Variants in CDH12 observed in about 807,000 individuals in gnomAD.
The protein encoded by CDH12 is cadherin 12.
Under a neutral mutation model 74.1 loss-of-function variants are expected in CDH12, and 41 were observed. That is an observed-to-expected ratio of 0.55 (90% confidence interval 0.43 to 0.72). CDH12 has a LOEUF of 0.72. Ranked by LOEUF, CDH12 falls within the 30% of genes least tolerant of loss-of-function variation. The probability of loss-of-function intolerance (pLI) is 0.00; values close to 1 mark genes in which losing one functional copy is unlikely to be tolerated. For missense variants in CDH12, 945 were observed against 977.2 expected, an observed-to-expected ratio of 0.97 and a Z score of 0.44; for synonymous variants, 399 against 355.0, an observed-to-expected ratio of 1.12 and a Z score of -1.39.
At chr5:21,800,485 C>T (rs1747049616) in intron 10 of CDH12, among the ~76,000 whole-genome samples, 1 of 151,996 alleles carries the variant, frequency 6.6e-6, no homozygotes, top group Non-Finnish European at 1.5e-5. Flanking sequence ...TTATTTTTAC[C>T]ATTACAAAAG....
chr5:21,755,875 A>G, intron 13 of CDH12, 33 bp from the exon 14 acceptor site: 1 of 1,606,914 alleles, frequency 6.2e-7, no homozygotes, highest in Non-Finnish European at 8.5e-7. Context: ...TAACATGGTT[A>G]CTATAAGCTT....
rs1744912108 is a variant in CDH12, at chr5:22,739,468, A to C, written c.-523+113590T>G. 3.9e-5 allele frequency among the ~76,000 whole-genome samples: 6 copies of C among 152,160 alleles called. No homozygotes were observed. The South Asian group carries it at 1.2e-3, about 32-fold the overall frequency. On this transcript the variant is annotated intron_variant, in intron 1 of 14. Coordinates refer to ENST00000382254, the MANE Select transcript of CDH12 (RefSeq NM_004061.5). ...ATCTTATAAGTAAATATTTTAGGAG[A>C]AGACTAAAATATTCCCAGTATTTCT... is the stretch of plus-strand genomic sequence containing the variant.
At chr5:22,518,905 A>G (rs1406687217) in intron 1 of CDH12, among the ~76,000 whole-genome samples, 1 of 152,190 alleles carries the variant, frequency 6.6e-6, no homozygotes, top group Non-Finnish European at 1.5e-5. Flanking sequence ...AACTGTCTTC[A>G]GAAGCTCTTG....
intron 6 of CDH12, among the ~76,000 whole-genome samples, chr5:21,933,529 A>G (rs1349427438): frequency 6.6e-6 from 1 of 152,198 alleles, no homozygotes; most frequent in Non-Finnish European, 1.5e-5. Context: ...AGGAAGGTTT[A>G]TTTAAAAACA....
intron 1 of CDH12, among the ~76,000 whole-genome samples, chr5:22,592,924 G>A (rs1736417262): frequency 6.6e-6 from 1 of 151,608 alleles, no homozygotes; most frequent in Non-Finnish European, 1.5e-5. Flanking sequence ...CAGCTACTAG[G>A]GAGGCAGAGG....
chr5:21,900,216 C>T (rs1227193140), intron 6 of CDH12, among the ~76,000 whole-genome samples: 1 of 151,992 alleles, frequency 6.6e-6, no homozygotes, highest in African/African-American at 2.4e-5. Context: ...CTTGTGGTAG[C>T]TATCACAGGA....
intron 6 of CDH12, among the ~76,000 whole-genome samples, chr5:21,901,894 G>A (rs1235403130): frequency 6.8e-6 from 1 of 146,144 alleles, no homozygotes; most frequent in Non-Finnish European, 1.5e-5. Context: ...AATTTGCTGT[G>A]TTATAATTAT....
chr5:22,632,499 A>G (rs564147004), intron 1 of CDH12, among the ~76,000 whole-genome samples: 6 of 152,302 alleles, frequency 3.9e-5, no homozygotes, highest in Admixed American at 2.6e-4. Context: ...GGTGAAATAA[A>G]ATTCTGGAAT....
chr5:22,418,156 C>T (rs138182032), intron 2 of CDH12, among the ~76,000 whole-genome samples: 79 of 152,182 alleles, frequency 5.2e-4, no homozygotes, highest in African/African-American at 1.8e-3. Context: ...TGAAGAGGTC[C>T]TTTACATCCC....
chr5:22,409,553 T>C (rs765968121), intron 2 of CDH12, among the ~76,000 whole-genome samples: 1 of 152,098 alleles, frequency 6.6e-6, no homozygotes, highest in Non-Finnish European at 1.5e-5. Flanking sequence ...TCTAGAGTCA[T>C]AATACTTTTC....
chr5:22,546,387 A>T (rs1178648863), intron 1 of CDH12, among the ~76,000 whole-genome samples: 3 of 152,226 alleles, frequency 2.0e-5, no homozygotes, highest in Admixed American at 6.5e-5. Context: ...TAGCGAAAAA[A>T]ATGAGAGATG....
At chr5:22,641,415 G>T (rs1015980587) in intron 1 of CDH12, among the ~76,000 whole-genome samples, 1 of 151,984 alleles carries the variant, frequency 6.6e-6, no homozygotes, top group African/African-American at 2.4e-5. Flanking sequence ...TCTATTTGGG[G>T]CCCCAAGTGG....
intron 1 of CDH12, among the ~76,000 whole-genome samples, chr5:22,610,914 G>A (rs1311255918): frequency 6.6e-6 from 1 of 151,992 alleles, no homozygotes; most frequent in Non-Finnish European, 1.5e-5. Context: ...TTTGATAGAT[G>A]AGGATGTATA....
chr5:22,129,081 T>A (rs1746036124), intron 4 of CDH12, among the ~76,000 whole-genome samples: 1 of 152,146 alleles, frequency 6.6e-6, no homozygotes, highest in Admixed American at 6.5e-5. Flanking sequence ...AATTGAGGAA[T>A]AAAAACTTCC....
chr5:22,222,944 AC>A (rs1752069726), intron 3 of CDH12, among the ~76,000 whole-genome samples: 5 of 151,968 alleles, frequency 3.3e-5, no homozygotes. Flanking sequence ...TACAGTGCAA[AC>A]TTTTGTTTCA....
chr5:22,817,320 T>C (rs950781979), intron 1 of CDH12, among the ~76,000 whole-genome samples: 1 of 152,084 alleles, frequency 6.6e-6, no homozygotes, highest in Admixed American at 6.6e-5. Flanking sequence ...CTTAAAATTG[T>C]TTAAAAATGA....
chr5:22,807,293 G>T (rs145484602), intron 1 of CDH12, among the ~76,000 whole-genome samples: 8 of 152,080 alleles, frequency 5.3e-5, no homozygotes, highest in Non-Finnish European at 7.4e-5. Context: ...ATGATAGATG[G>T]CATTTATATA....
At chr5:22,101,640 C>A (rs547156208) in intron 4 of CDH12, among the ~76,000 whole-genome samples, 15 of 152,132 alleles carry the variant, frequency 9.9e-5, no homozygotes, top group Non-Finnish European at 1.5e-4. Context: ...AAAGAAAACT[C>A]AAAAATTAAG....
intron 1 of CDH12, among the ~76,000 whole-genome samples, chr5:22,677,716 G>T (rs1472839489): frequency 3.9e-5 from 6 of 152,080 alleles, no homozygotes; most frequent in African/African-American, 9.7e-5. Context: ...CCTCCCAAAG[G>T]CTGCTTGTAT....
Sources: gnomAD v4.1 joint callset for allele counts (sites outside exome capture counted in the v4.1 genomes callset) on GRCh38, gnomAD v4.1.1 for gene constraint, MANE v1.5 for transcripts, NCBI Gene and HGNC (gene_info 2026-07-23, HGNC 2026-07-21) for gene names.